Variants in CHL1 observed in about 807,000 individuals in gnomAD.
CHL1 encodes the protein neural cell adhesion molecule L1-like protein.
CHL1 carries 96 observed loss-of-function variants against 141.9 expected under a neutral mutation model. The ratio of observed to expected loss-of-function variants is 0.68; its 90% CI spans 0.57 to 0.80. CHL1 has a LOEUF of 0.80. Ranked by LOEUF, CHL1 falls within the 30% of genes least tolerant of loss-of-function variation. The pLI, the probability that CHL1 is intolerant of heterozygous loss-of-function variation, is 0.00. For synonymous variants in CHL1, 613 were observed against 502.2 expected (o/e 1.22, Z -2.95); for missense variants, 1,820 against 1,457.2 (o/e 1.25, Z -4.05).
chr3:295,248 T>C lies in CHL1; in HGVS notation c.-94-24435T>C, dbSNP rs376128882. Reference sequence around the variant, plus strand: ...GTTAGAGTGATAAAAGGCAAAATTATTTTCTTTACACGAACAGTCACAGAA... The same window carrying C: ...GTTAGAGTGATAAAAGGCAAAATTACTTTCTTTACACGAACAGTCACAGAA... On this transcript the variant is annotated intron_variant, in intron 2 of 27. Transcript: ENST00000256509. Among the ~76,000 whole-genome samples the C allele has an allele frequency of 3.9e-5, 6 of 152,174 alleles. 1 individual carries two copies. The highest frequency in any genetic ancestry group is 3.9e-4 in the East Asian group (2 of 5,190).
intron 15 of CHL1, chr3:373,495 C>A (rs1705908319): frequency 1.3e-5 from 2 of 152,622 alleles, no homozygotes; most frequent in Non-Finnish European, 2.9e-5. Context: ...AAAGCACAGC[C>A]TGGAGCTACA....
At chr3:360,464 T>C (rs766367954) in intron 12 of CHL1, 40 bp downstream of exon 12, 8 of 1,605,164 alleles carry the variant, frequency 5.0e-6, no homozygotes, top group Non-Finnish European at 6.0e-6. Context: ...GCTATTTTCC[T>C]AAGGAAAGTG....
At chr3:348,396 T>C (rs976691017) in intron 9 of CHL1, among the ~76,000 whole-genome samples, 6 of 152,194 alleles carry the variant, frequency 3.9e-5, no homozygotes, top group Admixed American at 3.9e-4. Context: ...AAGTTGTTTC[T>C]CCTACTCACT....
intron 2 of CHL1, among the ~76,000 whole-genome samples, chr3:272,747 A>G (rs930750485): frequency 1.3e-5 from 2 of 152,312 alleles, no homozygotes; most frequent in African/African-American, 2.4e-5. Flanking sequence ...GATCATAAAG[A>G]TGACTCCTTG....
chr3:379,695 A>G (rs1246832651), intron 16 of CHL1, among the ~76,000 whole-genome samples: 1 of 152,154 alleles, frequency 6.6e-6, no homozygotes, highest in East Asian at 1.9e-4. Flanking sequence ...TTAATTCTAC[A>G]TAAATTTTAC....
At chr3:281,607 T>C (rs528703867) in intron 2 of CHL1, among the ~76,000 whole-genome samples, 1 of 151,066 alleles carries the variant, frequency 6.6e-6, no homozygotes, top group Non-Finnish European at 1.5e-5. Flanking sequence ...TCGCCCAGGC[T>C]GGAATGCAGT....
intron 1 of CHL1, among the ~76,000 whole-genome samples, chr3:239,191 G>A (rs112366903): frequency 6.6e-6 from 1 of 152,252 alleles, no homozygotes; most frequent in Non-Finnish European, 1.5e-5. Flanking sequence ...TGCTGCTACC[G>A]CAGCTGCCCC....
intron 5 of CHL1, among the ~76,000 whole-genome samples, chr3:334,839 C>A (rs1701736940): frequency 6.6e-6 from 1 of 152,136 alleles, no homozygotes; most frequent in Non-Finnish European, 1.5e-5. Context: ...AAATATCAGA[C>A]AGACTGTCAT....
intron 1 of CHL1, among the ~76,000 whole-genome samples, chr3:244,178 G>A (rs1692935149): frequency 6.6e-6 from 1 of 152,268 alleles, no homozygotes; most frequent in East Asian, 1.9e-4. Context: ...TCCTGACGAA[G>A]CTCTCCTCGT....
chr3:368,381 C>G (rs962928206), intron 15 of CHL1, among the ~76,000 whole-genome samples: 4 of 152,028 alleles, frequency 2.6e-5, no homozygotes, highest in Non-Finnish European at 4.4e-5. Context: ...TGTTTGTTGG[C>G]CATGTAAATG....
intron 2 of CHL1, among the ~76,000 whole-genome samples, chr3:252,815 T>C (rs1693826038): frequency 6.6e-6 from 1 of 152,142 alleles, no homozygotes; most frequent in Admixed American, 6.6e-5. Context: ...CTTATAATAT[T>C]TCCCATTTTG....
At chr3:333,124 A>ATCTTTTTTTTTTTTTTT (rs1701575823) in intron 5 of CHL1, among the ~76,000 whole-genome samples, 1 of 83,314 alleles carries the variant, frequency 1.2e-5, no homozygotes, top group Non-Finnish European at 2.1e-5. Context: ...TAATTGCTCT[A>ATCTTTTTTTTTTTTTTT]TTTTTTTTAT....
At chr3:276,153 T>G (rs188279093) in intron 2 of CHL1, among the ~76,000 whole-genome samples, 2 of 152,214 alleles carry the variant, frequency 1.3e-5, no homozygotes, top group Admixed American at 1.3e-4. Flanking sequence ...TATAATATAT[T>G]TTTCCGACCT....
At chr3:366,684 CAA>C (rs1167579521) in intron 15 of CHL1, among the ~76,000 whole-genome samples, 1,398 of 86,508 alleles carry the variant, frequency 0.016, 20 homozygotes, top group African/African-American at 0.05. Context: ...TGGATGGTTG[CAA>C]AAAAAAAAAA....
intron 1 of CHL1, among the ~76,000 whole-genome samples, chr3:240,722 G>T (rs1692474852): frequency 6.6e-6 from 1 of 152,132 alleles, no homozygotes; most frequent in Non-Finnish European, 1.5e-5. Context: ...ATTTTTATAG[G>T]TATCGGGTCT....
intron 2 of CHL1, among the ~76,000 whole-genome samples, chr3:261,953 C>T (rs1273460387): frequency 7.1e-6 from 1 of 140,090 alleles, no homozygotes; most frequent in Non-Finnish European, 1.5e-5. Flanking sequence ...ACTCACAGGG[C>T]AGGATTCACA....
In CHL1 at chr3:367,073, T is replaced by G. The variant is rs57441923; in HGVS notation, c.1751+958T>G. On this transcript the variant is annotated intron_variant, in intron 15 of 27. Coordinates refer to ENST00000256509, the MANE Select transcript of CHL1 (RefSeq NM_006614.4). Reference sequence around the variant, plus strand: ...TAGACAAAATATAAAAGAGAACATATAGAGGAAAGTGTGAATGGATGCTTA... The same window carrying G: ...TAGACAAAATATAAAAGAGAACATAGAGAGGAAAGTGTGAATGGATGCTTA... Among the ~76,000 whole-genome samples the G allele has an allele frequency of 1.3e-3, 198 of 152,240 alleles. 3 individuals carry two copies. In the East Asian group the frequency reaches 0.035, roughly 27 times the overall value.
intron 15 of CHL1, among the ~76,000 whole-genome samples, chr3:371,525 A>T (rs963322295): frequency 2.0e-5 from 3 of 152,182 alleles, no homozygotes; most frequent in Non-Finnish European, 2.9e-5. Context: ...GGTCTCCTGA[A>T]TACAGCACAC....
At chr3:226,594 C>T (rs1378881096) in intron 1 of CHL1, among the ~76,000 whole-genome samples, 9 of 151,490 alleles carry the variant, frequency 5.9e-5, no homozygotes, top group Non-Finnish European at 1.0e-4. Flanking sequence ...GGATTACAAG[C>T]GCACACCACG....
Sources: allele counts gnomAD v4.1 joint callset (sites outside exome capture counted in the v4.1 genomes callset), GRCh38; gene constraint gnomAD v4.1.1; transcripts MANE v1.5; gene names NCBI Gene and HGNC (gene_info 2026-07-23, HGNC 2026-07-21).